FNDC3A: variants seen among roughly 807,000 people sequenced by gnomAD.
The protein encoded by FNDC3A is fibronectin type III domain containing 3A.
Under a neutral mutation model 148.9 loss-of-function variants are expected in FNDC3A, and 32 were observed. The observed-to-expected ratio is 0.21, with a 90% confidence interval of 0.16 to 0.29. The LOEUF (loss-of-function observed/expected upper bound fraction) is 0.29, where lower values mean the gene tolerates loss of function less well. FNDC3A is among the 10% of genes least tolerant of loss of function. The pLI is 1.00. For missense variants in FNDC3A, 1,191 were observed against 1,452.8 expected, an observed-to-expected ratio of 0.82 and a Z score of 2.93; for synonymous variants, 472 against 473.6, an observed-to-expected ratio of 1.00 and a Z score of 0.04.
At chr13:49,201,341 TAAAGAC>T (rs955776901) in intron 23 of FNDC3A, 2 of 162,168 alleles carry the variant, frequency 1.2e-5, no homozygotes, top group African/African-American at 4.8e-5. Context: ...TTTTTCCAGA[TAAAGAC>T]AAGGAAGATT....
chr13:48,988,126 A>G (rs1951838989), intron 1 of FNDC3A: 1 of 152,248 alleles, frequency 6.6e-6, no homozygotes, highest in Non-Finnish European at 1.5e-5. Context: ...TATGTGCCCA[A>G]TACAGGAGCA....
At chr13:49,059,602 C>A (rs1247914682) in intron 2 of FNDC3A, among the ~76,000 whole-genome samples, 1 of 152,000 alleles carries the variant, frequency 6.6e-6, no homozygotes, top group African/African-American at 2.4e-5. Flanking sequence ...ATTACAGGCA[C>A]CTGCCACCAT....
In FNDC3A at chr13:49,209,336, T is replaced by G. The variant is rs1035594053; in HGVS notation, c.*1941T>G. 6.6e-6 allele frequency: 1 copy of G among 152,630 alleles called. No homozygotes were observed. The highest frequency in any genetic ancestry group is 1.5e-5 in the Non-Finnish European group (1 of 68,022). The allele number at this position is 152,630 out of a possible 1,614,324, so 9.5% of individuals were successfully genotyped here. A position where few individuals can be genotyped will look rare whatever the true frequency, so the allele number is the denominator to read the frequency against. ...ATGTCATTTAATAGTATACTTGCCATTTGAGCCTCACTGCAAAATTAGTGC... is the reference window on the plus strand; with the variant it reads ...ATGTCATTTAATAGTATACTTGCCAGTTGAGCCTCACTGCAAAATTAGTGC... On this transcript the variant is annotated 3_prime_UTR_variant, in exon 26 of 26. Transcript: ENST00000492622.
intron 8 of FNDC3A, among the ~76,000 whole-genome samples, chr13:49,162,003 T>A (rs891856613): frequency 7.2e-5 from 11 of 152,322 alleles, no homozygotes; most frequent in African/African-American, 2.2e-4. Context: ...CTTCCCTTTG[T>A]GGGTAACCCG....
At chr13:49,082,346 A>G (rs912890342) in intron 3 of FNDC3A, among the ~76,000 whole-genome samples, 9 of 152,186 alleles carry the variant, frequency 5.9e-5, no homozygotes, top group African/African-American at 2.2e-4. Flanking sequence ...AGATCCTGCC[A>G]CTGCACTCCA....
intron 2 of FNDC3A, among the ~76,000 whole-genome samples, chr13:49,025,453 C>T (rs1159252839): frequency 1.3e-5 from 2 of 151,978 alleles, no homozygotes; most frequent in African/African-American, 2.4e-5. Context: ...AACTAGTAAG[C>T]ATAGTAAGCA....
At chr13:49,191,453 C>T in intron 19 of FNDC3A, 69 bp downstream of exon 19, 2 of 1,302,314 alleles carry the variant, frequency 1.5e-6, no homozygotes, top group Non-Finnish European at 2.1e-6. Context: ...CATATATCAT[C>T]ATATCCATTA....
intron 17 of FNDC3A, among the ~76,000 whole-genome samples, chr13:49,190,791 G>C (rs1171144977): frequency 6.6e-6 from 1 of 152,180 alleles, no homozygotes; most frequent in Non-Finnish European, 1.5e-5. Flanking sequence ...TTTGTATATA[G>C]TAGTTGCACA....
chr13:49,206,486 C>G (rs1886652186), intron 25 of FNDC3A, among the ~76,000 whole-genome samples: 1 of 152,116 alleles, frequency 6.6e-6, no homozygotes, highest in Admixed American at 6.5e-5. Flanking sequence ...CTAGCACATT[C>G]CTCTGAAAAT....
chr13:49,175,377 G>C lies in FNDC3A; in HGVS notation c.1366G>C (p.Glu456Gln), dbSNP rs201568850. Residue 456 changes from glutamate (E) to glutamine (Q), a missense_variant, in exon 13 of 26, where the codon GAA becomes CAA. Physicochemically the swap from Glu to Gln is conservative, Grantham distance 29. Transcript: ENST00000492622. ...RNDYGTSGFSEEVLYYTSGCA... is the reference protein window; with the variant it reads ...RNDYGTSGFSQEVLYYTSGCA... ...CATTTGTTTCAACAGTGGTTTTAGT[G>C]AAGAAGTCTTATATTACACCTCAGG... 97 of 1,564,040 alleles carry C rather than the reference G, an allele frequency of 6.2e-5. No homozygotes were observed. Among genetic ancestry groups the C allele is most frequent in the Non-Finnish European group, 1.4e-5 (16 of 1,158,020 alleles).
At chr13:49,160,870 G>A (rs577831939) in intron 8 of FNDC3A, among the ~76,000 whole-genome samples, 7 of 151,934 alleles carry the variant, frequency 4.6e-5, no homozygotes, top group African/African-American at 7.2e-5. Context: ...CCTTCATTTC[G>A]TTATGTACCC....
chr13:49,169,633 C>T (rs77722409), intron 10 of FNDC3A, among the ~76,000 whole-genome samples: 2,852 of 152,278 alleles, frequency 0.019, 94 homozygotes, highest in African/African-American at 0.064. Context: ...CTCCTGTTAG[C>T]ATTGGTTTGC....
At position 49,208,705 on chromosome 13, in the gene FNDC3A, G is replaced by A. The variant is rs939456152; in HGVS notation, c.*1310G>A. On this transcript the variant is annotated 3_prime_UTR_variant, in exon 26 of 26. Transcript: ENST00000492622. The stretch of plus-strand genomic sequence containing the variant: ...TGCAAGTAATAATACAGTTTATAAT[G>A]AAACTATCTACAATTCTTGTTTTAG... 1 of 152,560 alleles carries A rather than the reference G, an allele frequency of 6.6e-6. No individual in the cohort carries two copies. The highest frequency in any genetic ancestry group is 2.4e-5 in the African/African-American group (1 of 41,406). 9.5% of individuals were successfully genotyped at this position (152,560 alleles called of 1,614,324 possible).
At chr13:49,067,454 G>A (rs182323750) in intron 2 of FNDC3A, among the ~76,000 whole-genome samples, 2 of 152,224 alleles carry the variant, frequency 1.3e-5, no homozygotes, top group Admixed American at 1.3e-4. Flanking sequence ...AGGAATCATT[G>A]TATCCATAGG....
chr13:49,134,720 GT>G (rs1306703246), intron 5 of FNDC3A, among the ~76,000 whole-genome samples: 1 of 140,266 alleles, frequency 7.1e-6, no homozygotes, highest in Non-Finnish European at 1.5e-5. Context: ...TCTCATTATG[GT>G]TTTGATTTGC....
intron 3 of FNDC3A, among the ~76,000 whole-genome samples, chr13:49,099,586 T>C (rs970999187): frequency 1.3e-5 from 2 of 152,170 alleles, no homozygotes; most frequent in African/African-American, 4.8e-5. Context: ...ATGATTTTTA[T>C]CACTTATTGT....
intron 2 of FNDC3A, among the ~76,000 whole-genome samples, chr13:49,039,298 T>A (rs960513029): frequency 3.9e-5 from 6 of 152,198 alleles, no homozygotes; most frequent in African/African-American, 1.2e-4. Flanking sequence ...AATTTATTTT[T>A]TAAAATCTGG....
intron 2 of FNDC3A, among the ~76,000 whole-genome samples, chr13:49,056,538 C>T (rs187856092): frequency 2.8e-4 from 43 of 152,152 alleles, no homozygotes; most frequent in African/African-American, 8.4e-4. Context: ...TTAAATGTTG[C>T]CTTTCTTCAT....
chr13:49,009,844 G>C (rs1171589614), intron 2 of FNDC3A, among the ~76,000 whole-genome samples: 2 of 152,160 alleles, frequency 1.3e-5, no homozygotes, highest in Non-Finnish European at 2.9e-5. Context: ...TAAAGTTTCA[G>C]TTAAGACCTT....
Sources: allele counts gnomAD v4.1 joint callset (sites outside exome capture counted in the v4.1 genomes callset), GRCh38; gene constraint gnomAD v4.1.1; transcripts MANE v1.5; gene names NCBI Gene and HGNC (gene_info 2026-07-23, HGNC 2026-07-21).